Variants in FZR1 observed in about 807,000 individuals in gnomAD.
The protein encoded by FZR1 is fizzy and cell division cycle 20 related 1, also known as fizzy-related protein homolog.
In FZR1, 11 loss-of-function variants were observed where a neutral mutation model predicts 63.6. That is an observed-to-expected ratio of 0.17 (90% CI 0.11 to 0.29). FZR1 has a LOEUF of 0.29. Among genes scored for constraint, FZR1 ranks in the 10% least tolerant of loss-of-function variants. The probability of loss-of-function intolerance (pLI) is 1.00; values close to 1 mark genes in which losing one functional copy is unlikely to be tolerated. For missense variants in FZR1, 440 were observed against 687.5 expected (o/e 0.64, Z 4.03); for synonymous variants, 328 against 297.9 (o/e 1.10, Z -1.04).
chr19:3,526,412 G>A lies in FZR1; in HGVS notation c.387+26G>A, dbSNP rs1460145757. 26 of 1,543,614 alleles carry A rather than the reference G, an allele frequency of 1.7e-5. No homozygotes were observed. The highest frequency in any genetic ancestry group is 2.3e-5 in the Non-Finnish European group (26 of 1,143,310). On this transcript the variant is annotated intron_variant, in intron 5 of 13. Coordinates refer to ENST00000441788, the MANE Select transcript of FZR1 (RefSeq NM_016263.4). This position sits in a 1 kb window ranked among gnomAD's most constrained non-coding sequence, Gnocchi z 5.4. ...GTAAGCCTGCGGCACCCCCCACCCG[G>A]GAGCTGGCTCCCAGTGCAGCCTCCC...
chr19:3,526,264 C>T lies in FZR1; in HGVS notation c.265C>T (p.Leu89=), dbSNP rs933066748. The T allele has an allele frequency of 6.2e-7, 1 of 1,611,354 alleles. No individual in the cohort carries two copies. Among genetic ancestry groups the T allele is most frequent in the Non-Finnish European group, 8.5e-7 (1 of 1,179,506 alleles). ...DATSDNGKDG[L]AYSALLKNEL... ...ACTGTGCTTGGTGCCCGCAGACGGC[C>T]TGGCCTACTCTGCCCTGCTCAAGAA... Residue 89 remains leucine (L), a synonymous_variant, in exon 5 of 14, where the codon CTG becomes TTG. Coordinates refer to ENST00000441788, the MANE Select transcript of FZR1 (RefSeq NM_016263.4). This position sits in a 1 kb window ranked among gnomAD's most constrained non-coding sequence, Gnocchi z 5.4.
intron 1 of FZR1, among the ~76,000 whole-genome samples, chr19:3,521,593 C>T (rs564774597): frequency 6.6e-6 from 1 of 152,032 alleles, no homozygotes; most frequent in South Asian, 2.1e-4. Flanking sequence ...CCTTCACCTC[C>T]CGGGTTCAAG....
Position 3,527,178 on chromosome 19 carries a change from A to C in FZR1, c.470+116A>C, listed in dbSNP as rs1017171437. ...CTGCGGGTCCTGGTGGGCGAGGCTGAAGGGGGCTTCCCAGGGCATAGTGGC... is the reference window on the plus strand; with the variant it reads ...CTGCGGGTCCTGGTGGGCGAGGCTGCAGGGGGCTTCCCAGGGCATAGTGGC... On this transcript the variant is annotated intron_variant, in intron 6 of 13. Transcript: ENST00000441788. The C allele has an allele frequency of 6.0e-6, 5 of 830,034 alleles. No homozygotes were observed. In the African/African-American group the frequency reaches 8.3e-5, roughly 14 times the overall value. 51.4% of individuals were successfully genotyped at this position (830,034 alleles called of 1,614,324 possible). A position where few individuals can be genotyped will look rare whatever the true frequency, so the allele number is the denominator to read the frequency against.
rs1458746755 is a variant in FZR1 at position 3,526,634 on chromosome 19, C to T, written c.387+248C>T. Among the ~76,000 whole-genome samples, 1 of 152,184 alleles carries T rather than the reference C, an allele frequency of 6.6e-6. No individual in the cohort carries two copies. The highest frequency in any genetic ancestry group is 1.5e-5 in the Non-Finnish European group (1 of 68,028). On this transcript the variant is annotated intron_variant, in intron 5 of 13. Coordinates refer to ENST00000441788, the MANE Select transcript of FZR1 (RefSeq NM_016263.4). This position sits in a 1 kb window ranked among gnomAD's most constrained non-coding sequence, Gnocchi z 5.4. ...AGGCTCAGCCTGTTGGGCTTTTTCT[C>T]CCCACACCAATGCTACCTGGGGTCC...
Position 3,526,458 on chromosome 19 carries a change from A to G in FZR1, c.387+72A>G. 1.6e-6 allele frequency: 2 copies of G among 1,261,730 alleles called. No individual in the cohort carries two copies. Among genetic ancestry groups the G allele is most frequent in the South Asian group, 2.7e-5 (2 of 73,942 alleles). The allele number at this position is 1,261,730 out of a possible 1,614,324, so 78.2% of individuals were successfully genotyped here. The stretch of plus-strand genomic sequence containing the variant: ...CTCCCCGGCCCCCCACCTCCCAGGC[A>G]CCAGCTCTGCCTCCCCGAGCCCGGT... On this transcript the variant is annotated intron_variant, in intron 5 of 13. Coordinates refer to ENST00000441788, the MANE Select transcript of FZR1 (RefSeq NM_016263.4). This position sits in a 1 kb window ranked among gnomAD's most constrained non-coding sequence, Gnocchi z 5.4.
rs563968456 is a variant in FZR1 at position 3,533,789 on chromosome 19, C to T, written c.1347+391C>T. On this transcript the variant is annotated intron_variant, in intron 12 of 13. Coordinates refer to ENST00000441788, the MANE Select transcript of FZR1 (RefSeq NM_016263.4). This position sits in a 1 kb window ranked among gnomAD's most constrained non-coding sequence, Gnocchi z 4.9. Reference sequence around the variant, plus strand: ...GGGCCAGGAGGCGTCCTTGGCCCCACGTGCCCTCACTTGCCAAGATTTTGT... The same window carrying T: ...GGGCCAGGAGGCGTCCTTGGCCCCATGTGCCCTCACTTGCCAAGATTTTGT... The T allele has an allele frequency of 3.0e-5, 6 of 199,020 alleles. No homozygotes were observed. Among genetic ancestry groups the T allele is most frequent in the Admixed American group, 5.7e-5 (1 of 17,430 alleles). 12.3% of individuals were successfully genotyped at this position (199,020 alleles called of 1,614,324 possible). A position where few individuals can be genotyped will look rare whatever the true frequency, so the allele number is the denominator to read the frequency against.
At chr19:3,530,915 T>C (rs569244957) in intron 8 of FZR1, 58 bp downstream of exon 8, 1 of 1,392,118 alleles carries the variant, frequency 7.2e-7, no homozygotes, top group East Asian at 2.3e-5. Flanking sequence ...TTGACAGTGT[T>C]GGGGGCCTTG....
intron 1 of FZR1, among the ~76,000 whole-genome samples, chr19:3,519,339 G>C (rs1474655546): frequency 6.6e-6 from 1 of 152,238 alleles, no homozygotes; most frequent in East Asian, 1.9e-4. Context: ...CGTCTACGTG[G>C]TGAGTCGCCT....
chr19:3,524,153 C>T (rs773034631), intron 2 of FZR1, among the ~76,000 whole-genome samples: 14 of 152,198 alleles, frequency 9.2e-5, no homozygotes, highest in African/African-American at 2.2e-4. Context: ...GGCACCACGG[C>T]GCCCAGCAGC....
intron 8 of FZR1, 62 bp downstream of exon 8, chr19:3,530,919 G>C (rs2083240607): frequency 1.5e-6 from 2 of 1,344,860 alleles, no homozygotes; most frequent in East Asian, 4.7e-5. Flanking sequence ...CAGTGTTGGG[G>C]GCCTTGAAGA....
Position 3,515,245 on chromosome 19 carries a change from C to T in FZR1, c.-34-7711C>T, listed in dbSNP as rs184834736. On this transcript the variant is annotated intron_variant, in intron 1 of 13. Transcript: ENST00000441788. The surrounding 1 kb of genome is among the most constrained non-coding windows in gnomAD (Gnocchi z 4.6). ...GGGTTGCTGCTAAACTCCCTCGACC[C>T]GGTCTGAGCCTTTCCACACGGCCAC... Among the ~76,000 whole-genome samples the T allele has an allele frequency of 4.2e-4, 64 of 152,344 alleles. No individual in the cohort carries two copies. The highest frequency in any genetic ancestry group is 1.3e-3 in the African/African-American group (53 of 41,584).
At chr19:3,528,517 CTG>C (rs56342854) in intron 7 of FZR1, among the ~76,000 whole-genome samples, 2 of 151,964 alleles carry the variant, frequency 1.3e-5, no homozygotes, top group South Asian at 4.1e-4. Context: ...AGGCTCTCCC[CTG>C]TGTGTGTGTG....
chr19:3,508,190 C>T (rs1305814265), intron 1 of FZR1, among the ~76,000 whole-genome samples: 1 of 141,646 alleles, frequency 7.1e-6, no homozygotes, highest in Non-Finnish European at 1.5e-5. Flanking sequence ...GGTGGGGCTA[C>T]ATTGATTTTC....
chr19:3,530,901 G>T, intron 8 of FZR1, 44 bp downstream of exon 8: 3 of 1,485,228 alleles, frequency 2.0e-6, no homozygotes, highest in Non-Finnish European at 2.8e-6. Flanking sequence ...ATCTGATGGG[G>T]CTCTTGACAG....
intron 2 of FZR1, among the ~76,000 whole-genome samples, chr19:3,523,912 C>T (rs576803637): frequency 3.9e-5 from 6 of 152,304 alleles, no homozygotes; most frequent in Admixed American, 1.3e-4. Context: ...CCGGGACCTG[C>T]GGGAGCCCAC....
rs1044065102 is a variant in FZR1 at position 3,517,594 on chromosome 19, A to G, written c.-34-5362A>G. Among the ~76,000 whole-genome samples, 5 of 152,128 alleles carry G rather than the reference A, an allele frequency of 3.3e-5. No homozygotes were observed. In the South Asian group the frequency reaches 6.2e-4, roughly 19 times the overall value. On this transcript the variant is annotated intron_variant, in intron 1 of 13. Transcript: ENST00000441788. ...TCCCAGCTACTTGAGAAGCTGAGGC[A>G]GGAGAATTGCTTGAACCCGGGAGGC...
At chr19:3,530,555 T>C (rs2083236483) in intron 7 of FZR1, among the ~76,000 whole-genome samples, 1 of 145,010 alleles carries the variant, frequency 6.9e-6, no homozygotes. Context: ...GGAGAGCAGA[T>C]GGGAGAGTGG....
Position 3,510,826 on chromosome 19 carries a change from C to T in FZR1, c.-35+4352C>T, listed in dbSNP as rs897045064. 2.0e-5 allele frequency among the ~76,000 whole-genome samples: 3 copies of T among 152,354 alleles called. No individual in the cohort carries two copies. The South Asian group carries it at 6.2e-4, about 32-fold the overall frequency. On this transcript the variant is annotated intron_variant, in intron 1 of 13. Transcript: ENST00000441788. The stretch of plus-strand genomic sequence containing the variant: ...TCTGTGCATTGTCACAACTGGGGGG[C>T]GCTCCTGGCATGGAGTGAGTGGAGG...
In FZR1 at chr19:3,523,065, G is replaced by GC; in HGVS notation, c.69+12dup. The GC allele has an allele frequency of 6.3e-7, 1 of 1,578,552 alleles. No homozygotes were observed. The highest frequency in any genetic ancestry group is 1.1e-5 in the South Asian group (1 of 90,338). On this transcript the variant is annotated splice_region_variant and intron_variant, in intron 2 of 13. Transcript: ENST00000441788. ...TGAGAACACGATGCCACGCGTGAGT[G>GC]CCCCCGCCCTGCCCACCACTGTGGC...
Sources: allele counts gnomAD v4.1 joint callset (sites outside exome capture counted in the v4.1 genomes callset), GRCh38; gene constraint gnomAD v4.1.1; non-coding constraint Gnocchi (gnomAD v3.1); transcripts MANE v1.5; gene names NCBI Gene and HGNC (gene_info 2026-07-23, HGNC 2026-07-21).